RAB18: variants seen among roughly 807,000 people sequenced by gnomAD.
The protein encoded by RAB18 is RAB18, member RAS oncogene family, also known as ras-related protein Rab-18.
RAB18 carries 10 observed loss-of-function variants against 28.5 expected under a neutral mutation model. The observed-to-expected ratio is 0.35, with a 90% CI of 0.22 to 0.60. RAB18 has a LOEUF of 0.60. Among genes scored for constraint, RAB18 ranks in the 20% least tolerant of loss-of-function variants. The probability of loss-of-function intolerance (pLI) is 0.78; values close to 1 mark genes in which losing one functional copy is unlikely to be tolerated. For missense variants in RAB18, 188 were observed against 244.2 expected, an observed-to-expected ratio of 0.77 and a Z score of 1.53; for synonymous variants, 93 against 86.9, an observed-to-expected ratio of 1.07 and a Z score of -0.39.
intron 3 of RAB18, among the ~76,000 whole-genome samples, chr10:27,530,457 G>A (rs1251904915): frequency 6.8e-6 from 1 of 147,048 alleles, no homozygotes; most frequent in African/African-American, 2.5e-5. Flanking sequence ...CAGATAGTCT[G>A]TACTACTAAA....
chr10:27,521,240 A>G (rs2132388129), intron 2 of RAB18, among the ~76,000 whole-genome samples: 1 of 152,104 alleles, frequency 6.6e-6, no homozygotes, highest in Non-Finnish European at 1.5e-5. Context: ...TTTCATGTAT[A>G]CTTGAAAAAA....
intron 3 of RAB18, among the ~76,000 whole-genome samples, chr10:27,528,076 G>A (rs1484907628): frequency 7.2e-5 from 11 of 152,072 alleles, no homozygotes; most frequent in Admixed American, 6.6e-4. Flanking sequence ...ATACTAAAGT[G>A]GGGGCCTGAT....
rs1042613339 is a variant in RAB18 at position 27,538,058 on chromosome 10, G to A, written c.*7G>A. 10 of 1,613,880 alleles carry A rather than the reference G, an allele frequency of 6.2e-6. No individual in the cohort carries two copies. The highest frequency in any genetic ancestry group is 3.3e-5 in the Admixed American group (2 of 59,990). On this transcript the variant is annotated 3_prime_UTR_variant, in exon 7 of 7. Transcript: ENST00000356940. ...TTATTGCTCTGTGTTATAAACTCTG[G>A]GAAATTCCATCTCTTGCATATTTGA...
chr10:27,529,065 C>T lies in RAB18; in HGVS notation c.186+2176C>T, dbSNP rs71487891. On this transcript the variant is annotated intron_variant, in intron 3 of 6. Coordinates refer to ENST00000356940, the MANE Select transcript of RAB18 (RefSeq NM_021252.5). ...TCTTTATATAATAAAATTATTAGCT[C>T]TTTGTCATGTGGTACAATTTTCTAA... Among the ~76,000 whole-genome samples the T allele has an allele frequency of 2.2e-3, 327 of 152,036 alleles. 1 individual carries two copies. Among genetic ancestry groups the T allele is most frequent in the Admixed American group, 3.9e-3 (59 of 15,276 alleles).
intron 2 of RAB18, 61 bp downstream of exon 2, chr10:27,509,991 T>A (rs1264574655): frequency 7.5e-6 from 10 of 1,340,034 alleles, no homozygotes; most frequent in Non-Finnish European, 1.1e-5. Flanking sequence ...TTGGCCTTTT[T>A]AATCTAAATC....
chr10:27,536,071 G>C (rs1589591623), intron 6 of RAB18, among the ~76,000 whole-genome samples: 1 of 115,742 alleles, frequency 8.6e-6, no homozygotes, highest in South Asian at 2.7e-4. Flanking sequence ...GACAGAGCGA[G>C]ACTCTGTCTC....
intron 2 of RAB18, among the ~76,000 whole-genome samples, chr10:27,523,994 G>A (rs1028289365): frequency 3.3e-5 from 5 of 151,802 alleles, no homozygotes; most frequent in African/African-American, 1.2e-4. Flanking sequence ...CAGCAGAATG[G>A]CATGAACCTG....
At chr10:27,532,158 C>T (rs1834801528) in intron 3 of RAB18, among the ~76,000 whole-genome samples, 1 of 151,726 alleles carries the variant, frequency 6.6e-6, no homozygotes, top group Non-Finnish European at 1.5e-5. Flanking sequence ...TTACCTTAGA[C>T]CAATTAAGCA....
At chr10:27,513,224 G>A (rs184227838) in intron 2 of RAB18, among the ~76,000 whole-genome samples, 66 of 151,642 alleles carry the variant, frequency 4.4e-4, no homozygotes, top group Admixed American at 4.1e-3. Context: ...TAGTAGAGAT[G>A]GGGTTTTACT....
At chr10:27,522,297 A>C (rs1415144976) in intron 2 of RAB18, among the ~76,000 whole-genome samples, 1 of 152,154 alleles carries the variant, frequency 6.6e-6, no homozygotes, top group Non-Finnish European at 1.5e-5. Flanking sequence ...TGGCCTTTTT[A>C]TCAAAATATT....
At chr10:27,516,382 CT>C (rs1244473508) in intron 2 of RAB18, among the ~76,000 whole-genome samples, 1 of 151,844 alleles carries the variant, frequency 6.6e-6, no homozygotes, top group Non-Finnish European at 1.5e-5. Flanking sequence ...ATGGTGAAAC[CT>C]CCCATCTCCC....
At chr10:27,513,959 A>C (rs549652660) in intron 2 of RAB18, 1 of 152,236 alleles carries the variant, frequency 6.6e-6, no homozygotes, top group African/African-American at 2.4e-5. Flanking sequence ...GTCTATCTCT[A>C]TAGCAGTTGG....
chr10:27,533,188 A>G (rs1834822731), intron 4 of RAB18, among the ~76,000 whole-genome samples: 1 of 152,056 alleles, frequency 6.6e-6, no homozygotes, highest in Non-Finnish European at 1.5e-5. Context: ...TCTTGAGTTT[A>G]TAAAACACTT....
rs187137160 is a variant in RAB18, at chr10:27,527,524, A to G, written c.186+635A>G. Among the ~76,000 whole-genome samples the G allele has an allele frequency of 2.4e-3, 369 of 151,870 alleles. 1 individual carries two copies. The highest frequency in any genetic ancestry group is 8.4e-3 in the African/African-American group (350 of 41,458). On this transcript the variant is annotated intron_variant, in intron 3 of 6. Coordinates refer to ENST00000356940, the MANE Select transcript of RAB18 (RefSeq NM_021252.5). ...CTCTGTGTCTCCCTTTCATCAGTCT[A>G]TTTACCCACCCACATACCGATCTAT...
intron 3 of RAB18, 146 bp downstream of exon 3, chr10:27,527,035 A>T: frequency 4.5e-6 from 4 of 896,354 alleles, no homozygotes; most frequent in African/African-American, 1.6e-5. Flanking sequence ...TAAAGGATAA[A>T]CAGTAATGTC....
rs375160249 is a variant in RAB18 at position 27,536,081 on chromosome 10, CA to C, written c.446-1782del. On this transcript the variant is annotated intron_variant, in intron 6 of 6. Transcript: ENST00000356940. ...TGGGCGACAGAGCGAGACTCTGTCTCAAAAAAAAAAAAAGAGAGCAATCAGA... is the reference window on the plus strand; with the variant it reads ...TGGGCGACAGAGCGAGACTCTGTCTCAAAAAAAAAAAAGAGAGCAATCAGA... Among the ~76,000 whole-genome samples the C allele has an allele frequency of 1.1e-3, 141 of 127,502 alleles. 1 individual carries two copies. Among genetic ancestry groups the C allele is most frequent in the Admixed American group, 1.5e-3 (19 of 12,598 alleles). The allele number at this position is 127,502 out of a possible 152,430, so 83.6% of individuals were successfully genotyped here. A position where few individuals can be genotyped will look rare whatever the true frequency, so the allele number is the denominator to read the frequency against.
chr10:27,511,395 C>T (rs568043561), intron 2 of RAB18, among the ~76,000 whole-genome samples: 11 of 152,010 alleles, frequency 7.2e-5, no homozygotes, highest in East Asian at 3.9e-4. Flanking sequence ...TTGATAGAGA[C>T]GGGGTTTACC....
chr10:27,518,046 A>G (rs896161950), intron 2 of RAB18, among the ~76,000 whole-genome samples: 3 of 151,738 alleles, frequency 2.0e-5, no homozygotes, highest in Admixed American at 6.6e-5. Flanking sequence ...GCTTCATCCA[A>G]GTTCCTGTGA....
At chr10:27,506,822 G>A (rs1227249779) in intron 1 of RAB18, among the ~76,000 whole-genome samples, 1 of 152,154 alleles carries the variant, frequency 6.6e-6, no homozygotes, top group East Asian at 1.9e-4. Flanking sequence ...TCATGCCACC[G>A]AAACAAAGAA....
Sources: allele counts gnomAD v4.1 joint callset (sites outside exome capture counted in the v4.1 genomes callset), GRCh38; gene constraint gnomAD v4.1.1; transcripts MANE v1.5; gene names NCBI Gene and HGNC (gene_info 2026-07-23, HGNC 2026-07-21).